The following DACH1 variants were observed in gnomAD, a reference collection of about 807,000 sequenced individuals.
The protein encoded by DACH1 is dachshund family transcription factor 1, also known as dachshund homolog 1.
A neutral mutation model predicts 54.2 loss-of-function variants in DACH1; 12 were observed. The observed-to-expected ratio is 0.22, with a 90% confidence interval of 0.14 to 0.36. The LOEUF is 0.36. Among genes scored for constraint, DACH1 ranks in the 10% least tolerant of loss-of-function variants. The probability of loss-of-function intolerance (pLI) is 1.00; values close to 1 mark genes in which losing one functional copy is unlikely to be tolerated. For missense variants in DACH1, 805 were observed against 929.8 expected (o/e 0.87, Z 1.75); for synonymous variants, 386 against 366.2 (o/e 1.05, Z -0.62).
intron 6 of DACH1, among the ~76,000 whole-genome samples, chr13:71,515,810 T>C (rs1396665950): frequency 6.6e-6 from 1 of 151,908 alleles, no homozygotes; most frequent in African/African-American, 2.4e-5. Flanking sequence ...TATCCATCAA[T>C]TCTTTCAGGA....
chr13:71,523,059 C>A (rs1881717279), intron 6 of DACH1, among the ~76,000 whole-genome samples: 1 of 152,020 alleles, frequency 6.6e-6, no homozygotes, highest in Non-Finnish European at 1.5e-5. Flanking sequence ...GTGTAGGAAC[C>A]AGAAAAATCA....
At chr13:71,818,266 C>T (rs1208835321) in intron 1 of DACH1, among the ~76,000 whole-genome samples, 6 of 152,050 alleles carry the variant, frequency 3.9e-5, no homozygotes, top group Non-Finnish European at 8.8e-5. Flanking sequence ...AACAGGGTGG[C>T]CTGATAGAAA....
At chr13:71,707,485 T>C (rs1012646989) in intron 1 of DACH1, among the ~76,000 whole-genome samples, 29 of 152,124 alleles carry the variant, frequency 1.9e-4, no homozygotes, top group Non-Finnish European at 4.1e-4. Flanking sequence ...CCTGAACACT[T>C]GGTCATGAAA....
intron 7 of DACH1, among the ~76,000 whole-genome samples, chr13:71,488,654 C>T (rs1038403285): frequency 6.6e-6 from 1 of 151,220 alleles, no homozygotes; most frequent in African/African-American, 2.4e-5. Flanking sequence ...ACTAGTGTGC[C>T]GTTGTTTAGT....
chr13:71,665,842 A>C (rs955454022), intron 2 of DACH1, among the ~76,000 whole-genome samples: 7 of 152,104 alleles, frequency 4.6e-5, no homozygotes, highest in Admixed American at 3.3e-4. Flanking sequence ...TTATCACTGA[A>C]TTCAATCCCC....
rs1873917056 is a variant in DACH1 at position 71,440,501 on chromosome 13, T to TC, written c.*153_*154insG. On this transcript the variant is annotated 3_prime_UTR_variant, in exon 11 of 11. Coordinates refer to ENST00000613252, the MANE Select transcript of DACH1 (RefSeq NM_080759.6). ...AAAATCAATGGAGAAAACTTTTTTT[T>TC]TTTTTGTAGAATACTTAAACTTTTA... is the stretch of plus-strand genomic sequence containing the variant. 1.7e-6 allele frequency: 1 copy of TC among 593,622 alleles called. No individual in the cohort carries two copies. Among genetic ancestry groups the TC allele is most frequent in the Admixed American group, 3.8e-5 (1 of 26,244 alleles). The allele number at this position is 593,622 out of a possible 1,614,324, so 36.8% of individuals were successfully genotyped here.
At chr13:71,626,536 C>T (rs2138557504) in intron 3 of DACH1, among the ~76,000 whole-genome samples, 1 of 152,126 alleles carries the variant, frequency 6.6e-6, no homozygotes, top group South Asian at 2.1e-4. Context: ...AGCAACTTAT[C>T]TGGCCTGTAT....
At chr13:71,573,370 C>A (rs1405154465) in intron 3 of DACH1, 4 of 708,614 alleles carry the variant, frequency 5.6e-6, no homozygotes, top group Non-Finnish European at 1.0e-5. Flanking sequence ...CTGATAAATA[C>A]AATTTAAAAA....
intron 3 of DACH1, among the ~76,000 whole-genome samples, chr13:71,627,665 T>C (rs2138560914): frequency 6.6e-6 from 1 of 152,222 alleles, no homozygotes; most frequent in East Asian, 1.9e-4. Context: ...CATCCTGTTA[T>C]GACTGCCTGC....
At chr13:71,580,812 G>A (rs1006103964) in intron 3 of DACH1, among the ~76,000 whole-genome samples, 2 of 152,006 alleles carry the variant, frequency 1.3e-5, no homozygotes, top group South Asian at 2.1e-4. Context: ...CACCAGCAGC[G>A]CCCAACTCCT....
At chr13:71,812,015 A>C (rs1348585252) in intron 1 of DACH1, among the ~76,000 whole-genome samples, 1 of 152,188 alleles carries the variant, frequency 6.6e-6, no homozygotes, top group Non-Finnish European at 1.5e-5. Context: ...ACTGACTTAC[A>C]AATTAAAATG....
At chr13:71,831,558 C>T (rs182233368) in intron 1 of DACH1, among the ~76,000 whole-genome samples, 109 of 151,792 alleles carry the variant, frequency 7.2e-4, no homozygotes, top group Non-Finnish European at 7.8e-4. Context: ...ATATACCCAC[C>T]AGAGAGTTAA....
intron 1 of DACH1, among the ~76,000 whole-genome samples, chr13:71,807,605 G>C (rs953317595): frequency 2.0e-5 from 3 of 151,922 alleles, no homozygotes; most frequent in Non-Finnish European, 4.4e-5. Flanking sequence ...TTTATTTTAA[G>C]CTATTATGCC....
intron 1 of DACH1, among the ~76,000 whole-genome samples, chr13:71,763,941 T>C (rs972542744): frequency 2.6e-5 from 4 of 152,182 alleles, no homozygotes; most frequent in African/African-American, 9.7e-5. Flanking sequence ...ATTTTATTCA[T>C]TTATCTGTAT....
intron 6 of DACH1, among the ~76,000 whole-genome samples, chr13:71,508,577 C>T (rs754560161): frequency 1.4e-4 from 22 of 152,102 alleles, no homozygotes; most frequent in South Asian, 6.2e-4. Context: ...AGCAGTCCTC[C>T]CACCTCAGCC....
chr13:71,601,000 T>C (rs540173703), intron 3 of DACH1, among the ~76,000 whole-genome samples: 6 of 152,020 alleles, frequency 3.9e-5, no homozygotes, highest in African/African-American at 1.4e-4. Context: ...ATGGTCTCTT[T>C]CAATTCAGGT....
intron 7 of DACH1, among the ~76,000 whole-genome samples, chr13:71,487,548 TG>T (rs1472472187): frequency 6.6e-6 from 1 of 152,198 alleles, no homozygotes; most frequent in East Asian, 1.9e-4. Flanking sequence ...TGAAATGTAG[TG>T]GTCATATACA....
At position 71,777,897 on chromosome 13, in the gene DACH1, G is replaced by A. The variant is rs187814536; in HGVS notation, c.848+88025C>T. Among the ~76,000 whole-genome samples, 19 of 151,806 alleles carry A rather than the reference G, an allele frequency of 1.3e-4. 1 individual carries two copies. Among genetic ancestry groups the A allele is most frequent in the Non-Finnish European group, 2.1e-4 (14 of 67,948 alleles). Reference sequence around the variant, plus strand: ...TTTGGGAGGCCAATGAAGGTGGATTGCTTGAACCCAAAAGTTTGAGACCAG... The same window carrying A: ...TTTGGGAGGCCAATGAAGGTGGATTACTTGAACCCAAAAGTTTGAGACCAG... On this transcript the variant is annotated intron_variant, in intron 1 of 10. Transcript: ENST00000613252.
chr13:71,795,642 G>A (rs1273845894), intron 1 of DACH1, among the ~76,000 whole-genome samples: 1 of 152,156 alleles, frequency 6.6e-6, no homozygotes, highest in Non-Finnish European at 1.5e-5. Context: ...GGGGCAGTAT[G>A]TGCTACTGAG....
Sources: allele counts gnomAD v4.1 joint callset (sites outside exome capture counted in the v4.1 genomes callset), GRCh38; gene constraint gnomAD v4.1.1; transcripts MANE v1.5; gene names NCBI Gene and HGNC (gene_info 2026-07-23, HGNC 2026-07-21).